The following ERICH6B variants were observed in gnomAD, a reference collection of about 807,000 sequenced individuals.
The protein encoded by ERICH6B is glutamate rich 6B.
ERICH6B carries 69 observed loss-of-function variants against 80.0 expected under a neutral mutation model. The ratio of observed to expected loss-of-function variants is 0.86; its 90% CI spans 0.71 to 1.05. The LOEUF (loss-of-function observed/expected upper bound fraction) is 1.05. Ranked by LOEUF, ERICH6B falls within the 50% of genes least tolerant of loss-of-function variation. The pLI is 0.00. For synonymous variants in ERICH6B, 283 were observed against 291.9 expected (o/e 0.97, Z 0.31); for missense variants, 754 against 796.1 (o/e 0.95, Z 0.64).
At chr13:45,553,749 T>C (rs1332117457) in intron 11 of ERICH6B, among the ~76,000 whole-genome samples, 3 of 152,202 alleles carry the variant, frequency 2.0e-5, no homozygotes, top group East Asian at 1.9e-4. Context: ...CTCTAACCAT[T>C]AAGCTCCCAG....
At chr13:45,547,621 C>T (rs751858249) in intron 13 of ERICH6B, among the ~76,000 whole-genome samples, 5 of 152,210 alleles carry the variant, frequency 3.3e-5, no homozygotes, top group Admixed American at 6.5e-5. Context: ...ACCGTGCAAG[C>T]ACTAGAATAA....
rs1874146505 is a variant in ERICH6B, at chr13:45,549,933, A to AT, written c.1605_1606insA (p.Ser536IlefsTer8). ...TCATCATAGAAGGTAGCATTGCCTG[A>AT]GTTGTTGATAAGGGCCCGGATCCTC... On this transcript the variant is annotated frameshift_variant, in exon 13 of 15. Coordinates refer to ENST00000298738, the MANE Select transcript of ERICH6B (RefSeq NM_182542.3). LOFTEE classifies it high-confidence loss of function. 6.4e-7 allele frequency: 1 copy of AT among 1,551,460 alleles called. No homozygotes were observed. Among genetic ancestry groups the AT allele is most frequent in the East Asian group, 2.4e-5 (1 of 40,932 alleles).
intron 11 of ERICH6B, among the ~76,000 whole-genome samples, chr13:45,550,984 A>G (rs1248489860): frequency 6.6e-6 from 1 of 152,202 alleles, no homozygotes; most frequent in African/African-American, 2.4e-5. Flanking sequence ...GAGGGAACAC[A>G]ATTCAACCCA....
At chr13:45,600,324 C>G (rs986962186) in intron 2 of ERICH6B, among the ~76,000 whole-genome samples, 1 of 152,146 alleles carries the variant, frequency 6.6e-6, no homozygotes, top group South Asian at 2.1e-4. Flanking sequence ...CCAGATTCAT[C>G]TGTGCACTTC....
Position 45,541,524 on chromosome 13 carries a change from C to T in ERICH6B, c.2029G>A (p.Val677Ile), listed in dbSNP as rs371764533. The change falls in exon 15 of 15, where the codon GTC becomes ATC. Residue 677 changes from valine (V) to isoleucine (I), a missense_variant. Coordinates refer to ENST00000298738, the MANE Select transcript of ERICH6B (RefSeq NM_182542.3). Reference protein sequence around the residue: ...TPDLENFIEAVSISLMDNKYL... With the variant: ...TPDLENFIEAISISLMDNKYL... The stretch of plus-strand genomic sequence containing the variant: ...TTGTTGTCCATCAGTGATATACTGA[C>T]GGCCTCTATGAAGTTTTCCAGATCA... 195 of 1,552,144 alleles carry T rather than the reference C, an allele frequency of 1.3e-4. 3 individuals carry two copies. Among genetic ancestry groups the T allele is most frequent in the South Asian group, 9.5e-4 (80 of 84,046 alleles).
intron 14 of ERICH6B, among the ~76,000 whole-genome samples, chr13:45,543,419 C>T (rs1873866680): frequency 6.6e-6 from 1 of 152,308 alleles, no homozygotes; most frequent in South Asian, 2.1e-4. Context: ...TAAGTTAAGG[C>T]TCTCAGGATG....
chr13:45,563,788 C>A lies in ERICH6B; in HGVS notation c.1188G>T (p.Met396Ile). The A allele has an allele frequency of 6.4e-7, 1 of 1,552,066 alleles. No homozygotes were observed. The highest frequency in any genetic ancestry group is 8.7e-7 in the Non-Finnish European group (1 of 1,147,006). Residue 396 changes from methionine (M) to isoleucine (I), a missense_variant and splice_region_variant, in exon 10 of 15, where the codon ATG becomes ATT. Transcript: ENST00000298738. The stretch of plus-strand genomic sequence containing the variant: ...TGAACTTTTCATAATTTTTCTTCAG[C>A]CTAAAAGGAAAGTGGATCATCTTTA... The part of the protein sequence containing the change: ...ESENRWKLVI[M>I]LKKNYEKFKE...
rs1040148856 is a variant in ERICH6B, at chr13:45,561,442, T to C, written c.1334A>G (p.Gln445Arg). Residue 445 changes from glutamine (Q) to arginine (R), a missense_variant, in exon 11 of 15, where the codon CAA becomes CGA. Gln to Arg is a conservative substitution (Grantham distance 43). Coordinates refer to ENST00000298738, the MANE Select transcript of ERICH6B (RefSeq NM_182542.3). ...TPEKPETEEI[Q>R]KPQRVVHHRK... Reference sequence around the variant, plus strand: ...ATGATGAACAACACGTTGAGGCTTTTGGATTTCTTCTGTCTCAGGCTTCTC... The same window carrying C: ...ATGATGAACAACACGTTGAGGCTTTCGGATTTCTTCTGTCTCAGGCTTCTC... 20 of 1,552,198 alleles carry C rather than the reference T, an allele frequency of 1.3e-5. No individual in the cohort carries two copies. The highest frequency in any genetic ancestry group is 1.7e-5 in the Non-Finnish European group (19 of 1,147,144).
At chr13:45,562,682 G>A (rs532714304) in intron 10 of ERICH6B, among the ~76,000 whole-genome samples, 106 of 152,288 alleles carry the variant, frequency 7.0e-4, no homozygotes, top group Admixed American at 2.4e-3. Context: ...GAACTTAACC[G>A]GGCTTTGAAG....
intron 3 of ERICH6B, among the ~76,000 whole-genome samples, chr13:45,594,725 T>C (rs1353075716): frequency 1.3e-5 from 2 of 152,170 alleles, no homozygotes; most frequent in East Asian, 3.8e-4. Context: ...AGGATGTAGG[T>C]TGTGTGTAAT....
chr13:45,607,041 A>T (rs1245485162), intron 2 of ERICH6B, among the ~76,000 whole-genome samples: 2 of 152,098 alleles, frequency 1.3e-5, no homozygotes, highest in Non-Finnish European at 2.9e-5. Context: ...TTGTAGATAA[A>T]AAAACAACCC....
At chr13:45,577,690 T>C (rs1875479171) in intron 7 of ERICH6B, among the ~76,000 whole-genome samples, 1 of 152,222 alleles carries the variant, frequency 6.6e-6, no homozygotes, top group Non-Finnish European at 1.5e-5. Flanking sequence ...CATGGCTCAC[T>C]GTTACAATCC....
chr13:45,606,533 ATATATATATATATATTTTTTTT>A (rs1316890683), intron 2 of ERICH6B, among the ~76,000 whole-genome samples: 68 of 30,220 alleles, frequency 2.3e-3, no homozygotes, highest in Middle Eastern at 0.021. Context: ...ATATATATAT[ATATATATATATATATTTTTTTT>A]TTTTTTTTTT....
chr13:45,595,924 T>G (rs2041683705), intron 3 of ERICH6B, among the ~76,000 whole-genome samples: 1 of 152,190 alleles, frequency 6.6e-6, no homozygotes, highest in South Asian at 2.1e-4. Flanking sequence ...GGATTGCAGG[T>G]GTGAGCCACT....
intron 4 of ERICH6B, among the ~76,000 whole-genome samples, chr13:45,588,718 C>A (rs1048197715): frequency 2.6e-5 from 4 of 152,226 alleles, no homozygotes; most frequent in African/African-American, 7.2e-5. Context: ...CTTTTCCCCC[C>A]AGACACTGTC....
rs1876428469 is a variant in ERICH6B, at chr13:45,597,041, G to GC, written c.-37dup. 1 of 1,502,284 alleles carries GC rather than the reference G, an allele frequency of 6.7e-7. No homozygotes were observed. The allele number at this position is 1,502,284 out of a possible 1,614,324, so 93.1% of individuals were successfully genotyped here. On this transcript the variant is annotated 5_prime_UTR_variant, in exon 3 of 15. Transcript: ENST00000298738. Reference sequence around the variant, plus strand: ...TCGTAGGTGGTGAACTCCTTCTGCAGCAGCCAACGTCACTTTATTATCCTG... The same window carrying GC: ...TCGTAGGTGGTGAACTCCTTCTGCAGCCAGCCAACGTCACTTTATTATCCTG...
intron 3 of ERICH6B, among the ~76,000 whole-genome samples, chr13:45,591,906 GA>G (rs1417192074): frequency 6.6e-6 from 1 of 152,156 alleles, no homozygotes; most frequent in Non-Finnish European, 1.5e-5. Flanking sequence ...AAAGGAACAA[GA>G]AGATATTCGT....
chr13:45,606,278 A>G (rs1284555200), intron 2 of ERICH6B, among the ~76,000 whole-genome samples: 1 of 152,012 alleles, frequency 6.6e-6, no homozygotes, highest in Non-Finnish European at 1.5e-5. Flanking sequence ...TCAGCAACAA[A>G]GCAGAATTAT....
chr13:45,565,273 A>G (rs551039870), intron 9 of ERICH6B, among the ~76,000 whole-genome samples: 49 of 152,210 alleles, frequency 3.2e-4, no homozygotes, highest in African/African-American at 1.2e-3. Flanking sequence ...TTTTGTGAAC[A>G]CCTGAACTTG....
Sources: allele counts gnomAD v4.1 joint callset (sites outside exome capture counted in the v4.1 genomes callset), GRCh38; gene constraint gnomAD v4.1.1; transcripts MANE v1.5; gene names NCBI Gene and HGNC (gene_info 2026-07-23, HGNC 2026-07-21).